WRNIP1: variants seen among roughly 807,000 people sequenced by gnomAD.
WRNIP1 encodes ATPase WRNIP1.
In WRNIP1, 41 loss-of-function variants were observed where a neutral mutation model predicts 56.1. The ratio of observed to expected loss-of-function variants is 0.73; its 90% CI spans 0.57 to 0.95. The LOEUF (loss-of-function observed/expected upper bound fraction) is 0.95. Ranked by LOEUF, WRNIP1 falls within the 40% of genes least tolerant of loss-of-function variation. WRNIP1 has a pLI of 0.00. For synonymous variants in WRNIP1, 547 were observed against 398.1 expected (o/e 1.37, Z -4.45); for missense variants, 1,170 against 939.4 (o/e 1.25, Z -3.21).
At position 2,766,395 on chromosome 6, in the gene WRNIP1, C is replaced by A. The variant is rs1276848083; in HGVS notation, c.773C>A (p.Thr258Asn). Residue 258 changes from threonine (T) to asparagine (N), a missense_variant, in exon 1 of 7, where the codon ACC (threonine) becomes AAC (asparagine). By Grantham distance (65) the Thr-to-Asn change is moderately conservative. Transcript: ENST00000380773. ...QDTLLRSLLE[T>N]NEIPSLILWG... ...ACCCTGCTGCGCTCGCTCCTGGAGA[C>A]CAACGAAATCCCCTCGCTTATCCTG... 6.2e-7 allele frequency: 1 copy of A among 1,606,542 alleles called. No homozygotes were observed. Among genetic ancestry groups the A allele is most frequent in the Admixed American group, 1.7e-5 (1 of 59,466 alleles).
At position 2,766,164 on chromosome 6, in the gene WRNIP1, A is replaced by G; in HGVS notation, c.542A>G (p.Asp181Gly). 7.5e-7 allele frequency: 1 copy of G among 1,333,608 alleles called. No homozygotes were observed. The highest frequency in any genetic ancestry group is 9.5e-7 in the Non-Finnish European group (1 of 1,048,432). 82.6% of individuals were successfully genotyped at this position (1,333,608 alleles called of 1,614,324 possible). A position where few individuals can be genotyped will look rare whatever the true frequency, so the allele number is the denominator to read the frequency against. Reference protein sequence around the residue: ...DGDGDGDADADGEDDPGHWDA... With the variant: ...DGDGDGDADAGGEDDPGHWDA... ...GATGGCGACGGGGACGCGGACGCGG[A>G]CGGCGAGGACGACCCGGGGCACTGG... The change falls in exon 1 of 7, where the codon GAC becomes GGC. Residue 181 changes from aspartate to glycine, a missense_variant. Coordinates refer to ENST00000380773, the MANE Select transcript of WRNIP1 (RefSeq NM_020135.3).
In WRNIP1 at chr6:2,765,596, C is replaced by T. The variant is rs779198719; in HGVS notation, c.-27C>T. On this transcript the variant is annotated 5_prime_UTR_variant, in exon 1 of 7. Transcript: ENST00000380773. ...TGCGCACGGGTTGCTGCGGCCGCGC[C>T]GGGCGCCGGGGAGGGCGGCGGCCGC... 15 of 1,478,356 alleles carry T rather than the reference C, an allele frequency of 1.0e-5. No individual in the cohort carries two copies. The highest frequency in any genetic ancestry group is 7.3e-5 in the African/African-American group (5 of 68,288). 91.6% of individuals were successfully genotyped at this position (1,478,356 alleles called of 1,614,324 possible).
At chr6:2,769,862 A>G (rs1335191691) in intron 2 of WRNIP1, among the ~76,000 whole-genome samples, 1 of 152,222 alleles carries the variant, frequency 6.6e-6, no homozygotes, top group Non-Finnish European at 1.5e-5. Context: ...CTAAGCTAGA[A>G]TTCTACTTAA....
intron 1 of WRNIP1, among the ~76,000 whole-genome samples, chr6:2,767,417 TCTC>T (rs1177762355): frequency 6.6e-6 from 1 of 152,224 alleles, no homozygotes; most frequent in African/African-American, 2.4e-5. Context: ...TTATGATTTT[TCTC>T]CTATTTTTCT....
At chr6:2,768,333 T>G (rs1013861043) in intron 1 of WRNIP1, among the ~76,000 whole-genome samples, 1 of 152,204 alleles carries the variant, frequency 6.6e-6, no homozygotes, top group African/African-American at 2.4e-5. Flanking sequence ...AGGGAGAATT[T>G]TCTCTTTGGT....
chr6:2,766,277 C>A lies in WRNIP1; in HGVS notation c.655C>A (p.Arg219=). The change falls in exon 1 of 7, where the codon CGA becomes AGA. Residue 219 remains arginine, a synonymous_variant. Coordinates refer to ENST00000380773, the MANE Select transcript of WRNIP1 (RefSeq NM_020135.3). ...HPRALAAEEI[R]QMLQGKPLAD... ...CCGGGCGCTGGCTGCCGAGGAGATCCGACAGATGCTACAGGGCAAGCCGCT... is the reference window on the plus strand; with the variant it reads ...CCGGGCGCTGGCTGCCGAGGAGATCAGACAGATGCTACAGGGCAAGCCGCT... 1 of 1,583,954 alleles carries A rather than the reference C, an allele frequency of 6.3e-7. No individual in the cohort carries two copies. Among genetic ancestry groups the A allele is most frequent in the East Asian group, 2.3e-5 (1 of 42,576 alleles).
chr6:2,767,294 A>G (rs1298468114), intron 1 of WRNIP1, among the ~76,000 whole-genome samples: 1 of 152,260 alleles, frequency 6.6e-6, no homozygotes, highest in Admixed American at 6.5e-5. Flanking sequence ...GGATGCTTTT[A>G]TCCATAATAA....
chr6:2,772,866 A>G, intron 3 of WRNIP1: 3 of 735,750 alleles, frequency 4.1e-6, no homozygotes, highest in Non-Finnish European at 5.0e-6. Context: ...GTGCATATAA[A>G]TCAGATTTGG....
Position 2,785,361 on chromosome 6 carries a change from G to T in WRNIP1, c.*79G>T, listed in dbSNP as rs1357126092. The T allele has an allele frequency of 6.5e-7, 1 of 1,533,768 alleles. No individual in the cohort carries two copies. Among genetic ancestry groups the T allele is most frequent in the African/African-American group, 1.4e-5 (1 of 73,094 alleles). ...AGAAAGTTAGTGGATTGCAAAGTTG[G>T]TTGCCTGGTGGAAGTTAGAACAGAC... On this transcript the variant is annotated 3_prime_UTR_variant, in exon 7 of 7. Coordinates refer to ENST00000380773, the MANE Select transcript of WRNIP1 (RefSeq NM_020135.3).
At chr6:2,770,491 T>TG in intron 3 of WRNIP1, 130 bp downstream of exon 3, 1 of 1,330,326 alleles carries the variant, frequency 7.5e-7, no homozygotes, top group East Asian at 2.5e-5. Flanking sequence ...CCGCCCGTAA[T>TG]GAAAATAAAA....
Position 2,773,076 on chromosome 6 carries a change from C to T in WRNIP1, c.1256+2715C>T, listed in dbSNP as rs1765346591. The T allele has an allele frequency of 3.0e-6, 3 of 985,296 alleles. No individual in the cohort carries two copies. In the South Asian group the frequency reaches 1.4e-4, roughly 46 times the overall value. 61.0% of individuals were successfully genotyped at this position (985,296 alleles called of 1,614,324 possible). A position where few individuals can be genotyped will look rare whatever the true frequency, so the allele number is the denominator to read the frequency against. On this transcript the variant is annotated intron_variant, in intron 3 of 6. Transcript: ENST00000380773. ...CAGGGCACTGGATTTGGAAACTAAT[C>T]AAGCTGCCGCTTAGCCGTTCTTGAT...
chr6:2,781,513 T>C (rs75893893), intron 4 of WRNIP1, among the ~76,000 whole-genome samples: 2,514 of 152,314 alleles, frequency 0.017, 65 homozygotes, highest in African/African-American at 0.056. Flanking sequence ...CTCTTGGGCC[T>C]TTTTATAACT....
chr6:2,777,527 T>C (rs1765459898), intron 3 of WRNIP1, among the ~76,000 whole-genome samples: 1 of 152,056 alleles, frequency 6.6e-6, no homozygotes, highest in African/African-American at 2.4e-5. Context: ...GAGGCAGAAA[T>C]GAGATGCCCA....
In WRNIP1 at chr6:2,779,266, C is replaced by T. The variant is rs145322505; in HGVS notation, c.1260C>T (p.Pro420=). 1.5e-5 allele frequency: 24 copies of T among 1,613,922 alleles called. No individual in the cohort carries two copies. The African/African-American group carries it at 2.0e-4, about 13-fold the overall frequency. The change falls in exon 4 of 7, where the codon CCC becomes CCT. Residue 420 remains proline (P), a synonymous_variant. Transcript: ENST00000380773. ...LSHSSNSSSE[P]AMFIEDKAVD... ...ACTAACCCTGCTTGTGTTTCAGGCC[C>T]GCCATGTTCATAGAGGATAAAGCAG... is the stretch of plus-strand genomic sequence containing the variant.
Position 2,765,839 on chromosome 6 carries a change from C to T in WRNIP1, c.217C>T (p.Arg73Trp), listed in dbSNP as rs1233523721. ...GPSPPGAKRR[R>W]LSESSALKQP... ...CTCGCCGCCCGGCGCCAAGAGGCGG[C>T]GGCTGTCGGAGAGCTCGGCGCTGAA... The change falls in exon 1 of 7, where the codon CGG (arginine) becomes TGG (tryptophan). Residue 73 changes from arginine (R) to tryptophan (W), a missense_variant. Coordinates refer to ENST00000380773, the MANE Select transcript of WRNIP1 (RefSeq NM_020135.3). The T allele has an allele frequency of 1.5e-5, 21 of 1,382,282 alleles. No homozygotes were observed. The South Asian group carries it at 1.6e-4, about 11-fold the overall frequency. 85.6% of individuals were successfully genotyped at this position (1,382,282 alleles called of 1,614,324 possible).
At chr6:2,774,271 G>A (rs1765381179) in intron 3 of WRNIP1, 12 of 985,426 alleles carry the variant, frequency 1.2e-5, no homozygotes, top group Non-Finnish European at 1.4e-5. Context: ...GTCCTTGGAT[G>A]CACTTCCTGT....
In WRNIP1 at chr6:2,770,316, G is replaced by T; in HGVS notation, c.1211G>T (p.Ser404Ile). The T allele has an allele frequency of 1.6e-5, 26 of 1,614,158 alleles. No homozygotes were observed. The highest frequency in any genetic ancestry group is 2.1e-5 in the Non-Finnish European group (25 of 1,180,030). ...CTGGGAATCCACGTCCTAGACTCTA[G>T]CCGTCCCACTGACCCTCTGAGCCAC... is the stretch of plus-strand genomic sequence containing the variant. Reference protein sequence around the residue: ...NSLGIHVLDSSRPTDPLSHSS... With the variant: ...NSLGIHVLDSIRPTDPLSHSS... The change falls in exon 3 of 7, where the codon AGC becomes ATC. Residue 404 changes from serine to isoleucine, a missense_variant. Coordinates refer to ENST00000380773, the MANE Select transcript of WRNIP1 (RefSeq NM_020135.3).
chr6:2,783,525 G>A lies in WRNIP1; in HGVS notation c.1606G>A (p.Ala536Thr), dbSNP rs1765625213. ...LEGGEDPLYV[A>T]RRLVRFASED... The stretch of plus-strand genomic sequence containing the variant: ...GGGAGGAGAGGACCCACTCTACGTG[G>A]CACGGAGGCTTGTCAGGTTTGCCAG... The change falls in exon 5 of 7, where the codon GCA (alanine) becomes ACA (threonine). Residue 536 changes from alanine (A) to threonine (T), a missense_variant. Physicochemically the swap from Ala to Thr is moderately conservative, Grantham distance 58 (BLOSUM62 0). Coordinates refer to ENST00000380773, the MANE Select transcript of WRNIP1 (RefSeq NM_020135.3). 2 of 1,613,356 alleles carry A rather than the reference G, an allele frequency of 1.2e-6. No homozygotes were observed. Among genetic ancestry groups the A allele is most frequent in the Non-Finnish European group, 1.7e-6 (2 of 1,179,674 alleles).
At chr6:2,776,775 C>A (rs569952644) in intron 3 of WRNIP1, among the ~76,000 whole-genome samples, 2 of 152,162 alleles carry the variant, frequency 1.3e-5, no homozygotes, top group Admixed American at 1.3e-4. Context: ...CTGCCCATCT[C>A]GTCACTGTCC....
Sources: gnomAD v4.1 joint callset for allele counts (sites outside exome capture counted in the v4.1 genomes callset) on GRCh38, gnomAD v4.1.1 for gene constraint, MANE v1.5 for transcripts, NCBI Gene and HGNC (gene_info 2026-07-23, HGNC 2026-07-21) for gene names.